SMARCA2: variants seen among roughly 807,000 people sequenced by gnomAD.
The protein encoded by SMARCA2 is SWI/SNF-related matrix-associated actin-dependent regulator of chromatin subfamily A member 2.
In SMARCA2, 61 loss-of-function variants were observed where a neutral mutation model predicts 199.8. The observed-to-expected ratio is 0.31, with a 90% CI of 0.25 to 0.38. The LOEUF is 0.38. Among genes scored for constraint, SMARCA2 ranks in the 10% least tolerant of loss-of-function variants. The pLI is 1.00. For synonymous variants in SMARCA2, 935 were observed against 732.0 expected, an observed-to-expected ratio of 1.28 and a Z score of -4.48; for missense variants, 1,344 against 2,012.2, an observed-to-expected ratio of 0.67 and a Z score of 6.35.
rs7874822 is a variant in SMARCA2, at chr9:2,060,585, G to A, written c.1522-231G>A. Among the ~76,000 whole-genome samples, 26,113 of 152,232 alleles carry A rather than the reference G, an allele frequency of 0.17. 2,621 individuals are homozygous for A. Among genetic ancestry groups the A allele is most frequent in the African/African-American group, 0.27 (11,274 of 41,528 alleles). On this transcript the variant is annotated intron_variant, in intron 8 of 33. Transcript: ENST00000349721. ...TTAATCACACCACACGTACAGTGTG[G>A]CTTTGTGCCCGGACTTTGCTGTAAA...
At position 2,105,398 on chromosome 9, in the gene SMARCA2, A is replaced by C. The variant is rs546513425; in HGVS notation, c.3292+1229A>C. Among the ~76,000 whole-genome samples the C allele has an allele frequency of 4.0e-5, 6 of 148,614 alleles. No individual in the cohort carries two copies. In the South Asian group the frequency reaches 1.3e-3, roughly 31 times the overall value. ...GTAGCTGGGATTACAGGCATGTGCC[A>C]CCACGCCCGGCTAATTTTTTTTTTT... On this transcript the variant is annotated intron_variant, in intron 23 of 33. Coordinates refer to ENST00000349721, the MANE Select transcript of SMARCA2 (RefSeq NM_003070.5).
At position 2,086,002 on chromosome 9, in the gene SMARCA2, T is replaced by C. The variant is rs899795807; in HGVS notation, c.2527-827T>C. On this transcript the variant is annotated intron_variant, in intron 17 of 33. Transcript: ENST00000349721. The surrounding 1 kb of genome is among the most constrained non-coding windows in gnomAD (Gnocchi z 4.3). The stretch of plus-strand genomic sequence containing the variant: ...GAAGGAGGACTGGGCCATATAAGCA[T>C]TCTGGACGTTTTACGCAATCGTCAT... The C allele has an allele frequency of 3.3e-5, 5 of 152,284 alleles. No individual in the cohort carries two copies. The highest frequency in any genetic ancestry group is 1.5e-5 in the Non-Finnish European group (1 of 68,100). 9.4% of individuals were successfully genotyped at this position (152,284 alleles called of 1,614,324 possible).
intron 19 of SMARCA2, among the ~76,000 whole-genome samples, chr9:2,090,431 G>A (rs914657421): frequency 6.6e-6 from 1 of 152,130 alleles, no homozygotes; most frequent in Non-Finnish European, 1.5e-5. Flanking sequence ...TGTCAGAGTA[G>A]GCATGGGTTT....
chr9:2,080,412 C>T (rs938542850), intron 14 of SMARCA2, among the ~76,000 whole-genome samples: 1 of 152,138 alleles, frequency 6.6e-6, no homozygotes, highest in South Asian at 2.1e-4. Context: ...AGCACAAACG[C>T]AAAATTCAGC....
At chr9:2,046,762 C>G (rs1206675332) in intron 4 of SMARCA2, among the ~76,000 whole-genome samples, 1 of 151,166 alleles carries the variant, frequency 6.6e-6, no homozygotes, top group Non-Finnish European at 1.5e-5. Context: ...TAGGACCATA[C>G]CCAAATTGCA....
intron 9 of SMARCA2, among the ~76,000 whole-genome samples, chr9:2,066,207 A>T (rs552791661): frequency 3.9e-5 from 6 of 152,352 alleles, no homozygotes; most frequent in Admixed American, 3.9e-4. Context: ...TGGGGGATAA[A>T]GTACATTCAG....
chr9:2,191,443 G>A lies in SMARCA2; in HGVS notation c.4737+35G>A, dbSNP rs758525194. 1.1e-5 allele frequency: 18 copies of A among 1,610,800 alleles called. No individual in the cohort carries two copies. The East Asian group carries it at 1.8e-4, about 16-fold the overall frequency. On this transcript the variant is annotated intron_variant, in intron 33 of 33. Coordinates refer to ENST00000349721, the MANE Select transcript of SMARCA2 (RefSeq NM_003070.5). ...GCCGACTGGGACTGAAGGCGGAGAC[G>A]CCCTCTCCCCTGCTTGCTGGCCTCT...
At chr9:2,149,529 A>G (rs1483348160) in intron 27 of SMARCA2, among the ~76,000 whole-genome samples, 1 of 151,402 alleles carries the variant, frequency 6.6e-6, no homozygotes, top group African/African-American at 2.4e-5. Context: ...AAAAACAACA[A>G]CGAAAAAGGA....
Position 2,168,171 on chromosome 9 carries a change from C to T in SMARCA2, c.4200-2248C>T, listed in dbSNP as rs117479233. Among the ~76,000 whole-genome samples the T allele has an allele frequency of 3.4e-3, 512 of 152,070 alleles. 3 individuals are homozygous for T. Among genetic ancestry groups the T allele is most frequent in the Non-Finnish European group, 5.7e-3 (389 of 67,980 alleles). ...GGATTATGGGCGTGCACCACGATGC[C>T]TGGCTAATTTTGTATTTTTGGTAGA... On this transcript the variant is annotated intron_variant, in intron 28 of 33. Coordinates refer to ENST00000349721, the MANE Select transcript of SMARCA2 (RefSeq NM_003070.5).
At chr9:2,095,474 T>A in intron 19 of SMARCA2, among the ~76,000 whole-genome samples, 1 of 152,214 alleles carries the variant, frequency 6.6e-6, no homozygotes. Flanking sequence ...CTGTATTAAA[T>A]GCATACTTAT....
At position 2,039,783 on chromosome 9, in the gene SMARCA2, CAG is replaced by C. The variant is rs767388089; in HGVS notation, c.674_675del (p.Gln225ProfsTer33). The C allele has an allele frequency of 1.8e-4, 283 of 1,539,606 alleles. No homozygotes were observed. Among genetic ancestry groups the C allele is most frequent in the African/African-American group, 4.6e-4 (33 of 71,206 alleles). ...GCAACAACAGCAGCAGCAACAGCAG[CAG>C]CAGCAGCAGCAGCAGCAGCAGCAGC... Reference protein sequence around the residue: ...LQQQQQQQQQQQQQQQQQQQQ... With the variant: ...LQQQQQQQQQXQQQQQQQQQQ... On this transcript the variant is annotated frameshift_variant, in exon 4 of 34. Coordinates refer to ENST00000349721, the MANE Select transcript of SMARCA2 (RefSeq NM_003070.5). LOFTEE classifies it high-confidence loss of function. The surrounding 1 kb of genome is among the most constrained non-coding windows in gnomAD (Gnocchi z 4.8).
intron 23 of SMARCA2, among the ~76,000 whole-genome samples, chr9:2,105,389 G>A (rs1822707887): frequency 1.3e-5 from 2 of 151,714 alleles, no homozygotes; most frequent in African/African-American, 4.9e-5. Context: ...GGGATTACAG[G>A]CATGTGCCAC....
intron 19 of SMARCA2, among the ~76,000 whole-genome samples, chr9:2,089,835 G>C (rs2130498118): frequency 6.6e-6 from 1 of 152,152 alleles, no homozygotes; most frequent in East Asian, 1.9e-4. Flanking sequence ...CTAGCATACA[G>C]TTACGGTGAT....
chr9:2,059,417 GC>G (rs910135009), intron 8 of SMARCA2, among the ~76,000 whole-genome samples: 28 of 151,946 alleles, frequency 1.8e-4, no homozygotes, highest in African/African-American at 6.8e-4. Context: ...ACCCTATCCT[GC>G]CTCCCTCTCC....
chr9:2,159,423 A>G (rs1235462768), intron 27 of SMARCA2: 1 of 207,778 alleles, frequency 4.8e-6, no homozygotes, highest in Non-Finnish European at 9.7e-6. Context: ...TTTAAAAATC[A>G]TTTAGACTGC....
In SMARCA2 at chr9:2,073,627, T is replaced by C. The variant is rs979358294; in HGVS notation, c.1935+4T>C. 4 of 1,595,438 alleles carry C rather than the reference T, an allele frequency of 2.5e-6. No individual in the cohort carries two copies. The highest frequency in any genetic ancestry group is 2.7e-5 in the African/African-American group (2 of 74,538). ...TGATTCTGATTATGAGGAAGAGGTA[T>C]GTATGTATCTCTGTTTGGGGTTTAT... On this transcript the variant is annotated splice_donor_region_variant and intron_variant, in intron 12 of 33. Coordinates refer to ENST00000349721, the MANE Select transcript of SMARCA2 (RefSeq NM_003070.5).
rs78170177 is a variant in SMARCA2 at position 2,119,616 on chromosome 9, G to A, written c.3762+81G>A. 370 of 940,156 alleles carry A rather than the reference G, an allele frequency of 3.9e-4. 1 individual carries two copies. In the African/African-American group the frequency reaches 5.2e-3, roughly 13 times the overall value. The allele number at this position is 940,156 out of a possible 1,614,324, so 58.2% of individuals were successfully genotyped here. On this transcript the variant is annotated intron_variant, in intron 26 of 33. Transcript: ENST00000349721. This position sits in a 1 kb window ranked among gnomAD's most constrained non-coding sequence, Gnocchi z 4.6. ...GTTAAGCAGAATGTCTGCAGCCTGCGTGCCTGGCAGAACTTCATACGTAAA... is the reference window on the plus strand; with the variant it reads ...GTTAAGCAGAATGTCTGCAGCCTGCATGCCTGGCAGAACTTCATACGTAAA...
At position 2,186,206 on chromosome 9, in the gene SMARCA2, TGAA is replaced by T. The variant is rs754943076; in HGVS notation, c.4578_4580del (p.Glu1527del). 9.3e-6 allele frequency: 15 copies of T among 1,613,890 alleles called. No individual in the cohort carries two copies. The African/African-American group carries it at 1.7e-4, about 19-fold the overall frequency. On this transcript the variant is annotated inframe_deletion, in exon 32 of 34. Coordinates refer to ENST00000349721, the MANE Select transcript of SMARCA2 (RefSeq NM_003070.5). ...GCAATGAAGAGGAGGAAGAGGAAGA[TGAA>T]GAAGAGTCAGAGTCCGAGGGTAAGC... is the stretch of plus-strand genomic sequence containing the variant.
intron 26 of SMARCA2, among the ~76,000 whole-genome samples, chr9:2,120,670 T>C (rs1823419623): frequency 6.6e-6 from 1 of 152,116 alleles, no homozygotes. Context: ...CTGGGAACAT[T>C]GATTGTATAT....
Sources: allele counts gnomAD v4.1 joint callset (sites outside exome capture counted in the v4.1 genomes callset), GRCh38; gene constraint gnomAD v4.1.1; non-coding constraint Gnocchi (gnomAD v3.1); transcripts MANE v1.5; gene names NCBI Gene and HGNC (gene_info 2026-07-23, HGNC 2026-07-21).